The following GABRA2 variants were observed in gnomAD, a reference collection of about 807,000 sequenced individuals.
GABRA2 encodes gamma-aminobutyric acid receptor subunit alpha-2.
GABRA2 carries 16 observed loss-of-function variants against 48.7 expected under a neutral mutation model. That is an observed-to-expected ratio of 0.33 (90% CI 0.22 to 0.50). GABRA2 has a LOEUF of 0.50. GABRA2 is among the 20% of genes least tolerant of loss of function. GABRA2 has a pLI of 0.98. For missense variants in GABRA2, 275 were observed against 535.6 expected (o/e 0.51, Z 4.80); for synonymous variants, 185 against 184.5 (o/e 1.00, Z -0.02).
chr4:46,266,661 G>A (rs1190488934), intron 8 of GABRA2, among the ~76,000 whole-genome samples: 3 of 149,046 alleles, frequency 2.0e-5, no homozygotes, highest in Non-Finnish European at 3.0e-5. Flanking sequence ...TGGATGTGCT[G>A]ATAGATGGTT....
At chr4:46,357,973 A>G (rs1264241650) in intron 3 of GABRA2, among the ~76,000 whole-genome samples, 5 of 152,070 alleles carry the variant, frequency 3.3e-5, no homozygotes, top group South Asian at 2.1e-4. Flanking sequence ...ACTTTCATAC[A>G]GTAAAATTGA....
chr4:46,300,756 C>A (rs1725597502), intron 8 of GABRA2, among the ~76,000 whole-genome samples: 1 of 151,930 alleles, frequency 6.6e-6, no homozygotes, highest in South Asian at 2.1e-4. Context: ...CTAAATTATT[C>A]TTTTTTCTAT....
chr4:46,355,710 C>A (rs1382031091), intron 3 of GABRA2, among the ~76,000 whole-genome samples: 1 of 152,128 alleles, frequency 6.6e-6, no homozygotes, highest in African/African-American at 2.4e-5. Flanking sequence ...CTAAGCACAA[C>A]CTTATCAGAG....
intron 8 of GABRA2, among the ~76,000 whole-genome samples, chr4:46,266,718 C>CTT (rs35380341): frequency 0.029 from 2,668 of 92,730 alleles, 234 homozygotes; most frequent in African/African-American, 0.066. Context: ...CAAATATTCT[C>CTT]TTTTTTTTTT....
At chr4:46,359,417 A>C (rs1338035672) in intron 3 of GABRA2, among the ~76,000 whole-genome samples, 1 of 152,168 alleles carries the variant, frequency 6.6e-6, no homozygotes, top group Non-Finnish European at 1.5e-5. Flanking sequence ...AAGAAAAGAT[A>C]CTATCAGCCC....
chr4:46,293,208 T>C (rs1376905647), intron 8 of GABRA2, among the ~76,000 whole-genome samples: 2 of 152,150 alleles, frequency 1.3e-5, no homozygotes, highest in African/African-American at 4.8e-5. Context: ...TAATTTGGAA[T>C]TATAAAAACA....
rs536845755 is a variant in GABRA2 at position 46,256,099 on chromosome 4, A to ACGT, written c.1060-5496_1060-5495insACG. 5.4e-3 allele frequency: 2,378 copies of ACGT among 437,098 alleles called. 14 individuals carry two copies. The highest frequency in any genetic ancestry group is 7.7e-3 in the Non-Finnish European group (1,874 of 244,796). The allele number at this position is 437,098 out of a possible 1,614,324, so 27.1% of individuals were successfully genotyped here. A position where few individuals can be genotyped will look rare whatever the true frequency, so the allele number is the denominator to read the frequency against. Reference sequence around the variant, plus strand: ...TTTACAGTTATTGTGGCTACTAGAAAGCTCATTACTTGTAAAATAACAACG... The same window carrying ACGT: ...TTTACAGTTATTGTGGCTACTAGAAACGTGCTCATTACTTGTAAAATAACAACG... On this transcript the variant is annotated intron_variant, in intron 9 of 9. Coordinates refer to ENST00000381620, the MANE Select transcript of GABRA2 (RefSeq NM_000807.4).
At chr4:46,334,032 T>C (rs1489495918) in intron 3 of GABRA2, among the ~76,000 whole-genome samples, 5 of 152,180 alleles carry the variant, frequency 3.3e-5, no homozygotes, top group African/African-American at 7.2e-5. Flanking sequence ...TAAGCTTTGT[T>C]GTATATACTA....
intron 3 of GABRA2, among the ~76,000 whole-genome samples, chr4:46,336,066 T>G (rs927225948): frequency 1.3e-5 from 2 of 152,166 alleles, no homozygotes; most frequent in Non-Finnish European, 2.9e-5. Context: ...ATCCAGGATT[T>G]AAGCTCCACA....
intron 8 of GABRA2, among the ~76,000 whole-genome samples, chr4:46,287,959 T>A (rs1014213915): frequency 1.3e-5 from 2 of 152,084 alleles, no homozygotes; most frequent in African/African-American, 4.8e-5. Flanking sequence ...GAGGAGCAAG[T>A]CACATCTTAC....
rs201399644 is a variant in GABRA2, at chr4:46,388,713, C to T, written c.-7G>A. On this transcript the variant is annotated 5_prime_UTR_variant, in exon 2 of 10. Transcript: ENST00000381620. Reference sequence around the variant, plus strand: ...TGTTCAATTTTGTCTTCATCACCGCCGCTCTTTACAAAGCCATGGAATGAA... The same window carrying T: ...TGTTCAATTTTGTCTTCATCACCGCTGCTCTTTACAAAGCCATGGAATGAA... The T allele has an allele frequency of 7.1e-5, 114 of 1,613,890 alleles. No individual in the cohort carries two copies. Among genetic ancestry groups the T allele is most frequent in the Non-Finnish European group, 9.2e-5 (108 of 1,180,004 alleles).
Position 46,250,573 on chromosome 4 carries a change from T to C in GABRA2, c.1091A>G (p.Asn364Ser). 2 of 1,608,244 alleles carry C rather than the reference T, an allele frequency of 1.2e-6. No homozygotes were observed. The highest frequency in any genetic ancestry group is 1.3e-5 in the African/African-American group (1 of 74,520). The change falls in exon 10 of 10, where the codon AAC (asparagine) becomes AGC (serine). Residue 364 changes from asparagine (N) to serine (S), a missense_variant. This residue lies in a region of GABRA2 where 99 missense variants were observed against 124.3 expected (regional missense o/e 0.80). Coordinates refer to ENST00000381620, the MANE Select transcript of GABRA2 (RefSeq NM_000807.4). ...KKEKASVMIQ[N>S]NAYAVAVANY... ...GGCAACAGCCACTGCATAAGCGTTG[T>C]TCTGTATCATAACGGAAGCCTTTTC...
chr4:46,291,792 C>CATATATATGTGTATATATATATATATAT (rs3068359), intron 8 of GABRA2, among the ~76,000 whole-genome samples: 10 of 147,572 alleles, frequency 6.8e-5, no homozygotes, highest in Non-Finnish European at 1.5e-4. Flanking sequence ...TATATATATA[C>CATATATATGTGTATATATATATATATAT]ATATACATAT....
intron 6 of GABRA2, among the ~76,000 whole-genome samples, chr4:46,307,351 G>A (rs527607175): frequency 1.3e-5 from 2 of 151,530 alleles, no homozygotes; most frequent in East Asian, 3.9e-4. Context: ...ATTTCAAATG[G>A]CACAGAATTT....
chr4:46,368,969 A>G (rs996017294), intron 3 of GABRA2: 16 of 700,082 alleles, frequency 2.3e-5, no homozygotes, highest in Non-Finnish European at 4.2e-5. Context: ...TGGCTCTTGA[A>G]GGCTATGTTA....
intron 3 of GABRA2, among the ~76,000 whole-genome samples, chr4:46,384,300 T>G (rs990510290): frequency 6.6e-6 from 1 of 152,180 alleles, no homozygotes; most frequent in African/African-American, 2.4e-5. Flanking sequence ...GACTGTGAGA[T>G]ATTAGCATAT....
intron 6 of GABRA2, among the ~76,000 whole-genome samples, chr4:46,308,945 T>C (rs1385803363): frequency 1.3e-5 from 2 of 152,136 alleles, no homozygotes; most frequent in Admixed American, 6.6e-5. Flanking sequence ...GCTTTTCAAT[T>C]TTTTCTATAA....
intron 2 of GABRA2, among the ~76,000 whole-genome samples, chr4:46,387,440 A>C (rs1357130419): frequency 6.6e-6 from 1 of 152,224 alleles, no homozygotes; most frequent in Non-Finnish European, 1.5e-5. Context: ...TCAAACAAAT[A>C]TTGTCTTAAG....
At chr4:46,252,024 CA>C (rs1714871512) in intron 9 of GABRA2, among the ~76,000 whole-genome samples, 1 of 151,464 alleles carries the variant, frequency 6.6e-6, no homozygotes, top group African/African-American at 2.4e-5. Flanking sequence ...TGTAAAGCAA[CA>C]GATATAGAGG....
Sources: gnomAD v4.1 joint callset for allele counts (sites outside exome capture counted in the v4.1 genomes callset) on GRCh38, gnomAD v4.1.1 for gene constraint, gnomAD v4.1.1 regional missense constraint, MANE v1.5 for transcripts, NCBI Gene and HGNC (gene_info 2026-07-23, HGNC 2026-07-21) for gene names.